LOC400499: variants seen among roughly 807,000 people sequenced by gnomAD.
At chr16:11,464,965 A>C in the LOC400499 span, among the ~76,000 whole-genome samples, 1 of 152,186 alleles carries the variant, frequency 6.6e-6, no homozygotes, top group Non-Finnish European at 1.5e-5. Flanking sequence ...CCCCTGACAT[A>C]GGTCTTCCCC....
the LOC400499 span, among the ~76,000 whole-genome samples, chr16:11,511,931 C>G: frequency 6.6e-6 from 1 of 152,110 alleles, no homozygotes; most frequent in African/African-American, 2.4e-5. Flanking sequence ...ACTGGGGGAA[C>G]CCCTTGACCC....
At chr16:11,401,308 G>A in the LOC400499 span, 1 of 399,114 alleles carries the variant, frequency 2.5e-6, no homozygotes, top group Non-Finnish European at 4.4e-6. Flanking sequence ...CAAGGCCACT[G>A]GCCTCGGCTT....
the LOC400499 span, among the ~76,000 whole-genome samples, chr16:11,398,664 G>C: frequency 1.3e-5 from 1 of 78,828 alleles, no homozygotes; most frequent in African/African-American, 3.2e-5. Context: ...CTCTGCGGCA[G>C]GATTTTTTTT....
chr16:11,408,192 A>G, the LOC400499 span, among the ~76,000 whole-genome samples: 2 of 152,128 alleles, frequency 1.3e-5, no homozygotes, highest in African/African-American at 4.8e-5. Context: ...CATGTTGGCC[A>G]GGCCAGTCTC....
the LOC400499 span, among the ~76,000 whole-genome samples, chr16:11,443,008 C>G: frequency 6.6e-6 from 1 of 152,078 alleles, no homozygotes; most frequent in Non-Finnish European, 1.5e-5. Flanking sequence ...CACCCTCCTT[C>G]CCAGGGGCTG....
chr16:11,492,107 G>A, the LOC400499 span, among the ~76,000 whole-genome samples: 9 of 152,288 alleles, frequency 5.9e-5, no homozygotes, highest in South Asian at 6.2e-4. Context: ...GCATGGCTAC[G>A]TTCCAATAAA....
chr16:11,467,322 C>G, the LOC400499 span: 1 of 143,826 alleles, frequency 7.0e-6, no homozygotes, highest in Non-Finnish European at 1.5e-5. Flanking sequence ...AACAAAAAAA[C>G]TGGGAAACTG....
the LOC400499 span, among the ~76,000 whole-genome samples, chr16:11,444,751 G>A: frequency 1.3e-5 from 2 of 152,142 alleles, no homozygotes; most frequent in South Asian, 2.1e-4. Flanking sequence ...GAGATCATGA[G>A]CTTTCCAGAG....
chr16:11,435,726 G>A, the LOC400499 span: 2 of 399,142 alleles, frequency 5.0e-6, no homozygotes, highest in African/African-American at 4.1e-5. Flanking sequence ...AGGACAGCCT[G>A]GTGGAGAAGG....
the LOC400499 span, among the ~76,000 whole-genome samples, chr16:11,389,202 C>T: frequency 6.6e-6 from 1 of 152,208 alleles, no homozygotes; most frequent in Non-Finnish European, 1.5e-5. Flanking sequence ...TCTACCTTCT[C>T]CTCAAAGCCA....
chr16:11,449,668 G>C, the LOC400499 span, among the ~76,000 whole-genome samples: 1 of 152,248 alleles, frequency 6.6e-6, no homozygotes, highest in East Asian at 1.9e-4. Context: ...GCGTGGCTGA[G>C]CCTCCAACCC....
At chr16:11,433,656 T>A in the LOC400499 span, among the ~76,000 whole-genome samples, 1 of 152,000 alleles carries the variant, frequency 6.6e-6, no homozygotes, top group Non-Finnish European at 1.5e-5. Flanking sequence ...TGATTAGAGG[T>A]TGGAACTTTC....
At chr16:11,476,844 G>A in the LOC400499 span, 1 of 399,390 alleles carries the variant, frequency 2.5e-6, no homozygotes, top group Non-Finnish European at 4.4e-6. Flanking sequence ...CCTGGATCCC[G>A]CCATCCAGGC....
the LOC400499 span, among the ~76,000 whole-genome samples, chr16:11,427,583 G>A: frequency 5.1e-3 from 781 of 151,752 alleles, 10 homozygotes; most frequent in African/African-American, 0.018. Context: ...AGCTGGGACT[G>A]TAGGCATGCA....
At chr16:11,487,975 G>T in the LOC400499 span, among the ~76,000 whole-genome samples, 5 of 151,924 alleles carry the variant, frequency 3.3e-5, no homozygotes, top group Non-Finnish European at 5.9e-5. Flanking sequence ...AAATTAGCCG[G>T]GCATGGTGGT....
chr16:11,507,110 G>A, the LOC400499 span, among the ~76,000 whole-genome samples: 1 of 152,232 alleles, frequency 6.6e-6, no homozygotes, highest in African/African-American at 2.4e-5. Context: ...ACCCCTGCCA[G>A]GGGAAATGTC....
the LOC400499 span, chr16:11,393,546 T>C: frequency 1.6e-6 from 2 of 1,232,460 alleles, no homozygotes; most frequent in Non-Finnish European, 2.0e-6. Context: ...CCGCTGAGCC[T>C]TGGAGCCACG....
chr16:11,460,431 G>A, the LOC400499 span: 2 of 1,478,724 alleles, frequency 1.4e-6, no homozygotes, highest in Non-Finnish European at 1.8e-6. Context: ...CCACTTGCCT[G>A]ACTCTAGTGC....
the LOC400499 span, among the ~76,000 whole-genome samples, chr16:11,384,655 G>A: frequency 6.2e-4 from 94 of 152,350 alleles, no homozygotes; most frequent in African/African-American, 2.0e-3. Context: ...CACTGGAGCC[G>A]CGTGTCCCAC....
Sources: gnomAD v4.1 joint callset for allele counts (sites outside exome capture counted in the v4.1 genomes callset) on GRCh38, gnomAD v4.1.1 for gene constraint, MANE v1.5 for transcripts.